Variants in GRIN2B observed in about 807,000 individuals in gnomAD.
GRIN2B encodes the protein glutamate ionotropic receptor NMDA type subunit 2B.
Under a neutral mutation model 114.5 loss-of-function variants are expected in GRIN2B, and 5 were observed. The ratio of observed to expected loss-of-function variants is 0.04; its 90% CI spans 0.02 to 0.09. GRIN2B has a LOEUF of 0.09. GRIN2B is among the 10% of genes least tolerant of loss of function. GRIN2B has a pLI of 1.00. For missense variants in GRIN2B, 1,108 were observed against 1,943.5 expected, an observed-to-expected ratio of 0.57 and a Z score of 8.08; for synonymous variants, 787 against 745.1, an observed-to-expected ratio of 1.06 and a Z score of -0.92.
Position 13,547,981 on chromosome 12 carries a change from A to ATATATATATATATATATTTTTTTTT in GRIN2B, c.*14801_*14802insAAAAAAAAATATATATATATATATA. On this transcript the variant is annotated 3_prime_UTR_variant, in exon 14 of 14. Coordinates refer to ENST00000609686, the MANE Select transcript of GRIN2B (RefSeq NM_000834.5). ...TGTGTATATATATATATATATATATATTTTTTTTTTTTTTCTGAAAGCTAC... is the reference window on the plus strand; with the variant it reads ...TGTGTATATATATATATATATATATATATATATATATATATATTTTTTTTTTTTTTTTTTTTTTTCTGAAAGCTAC... The ATATATATATATATATATTTTTTTTT allele has an allele frequency of 5.8e-5, 4 of 68,572 alleles. No homozygotes were observed. Among genetic ancestry groups the ATATATATATATATATATTTTTTTTT allele is most frequent in the African/African-American group, 9.2e-5 (2 of 21,748 alleles). 4.2% of individuals were successfully genotyped at this position (68,572 alleles called of 1,614,324 possible). A position where few individuals can be genotyped will look rare whatever the true frequency, so the allele number is the denominator to read the frequency against.
At chr12:13,870,466 G>A (rs1565569889) in intron 2 of GRIN2B, among the ~76,000 whole-genome samples, 2 of 152,056 alleles carry the variant, frequency 1.3e-5, no homozygotes, top group Non-Finnish European at 1.5e-5. Context: ...CTGGTAACTG[G>A]TACAGGGTAA....
chr12:13,605,983 T>C (rs1000014852), intron 10 of GRIN2B, among the ~76,000 whole-genome samples: 2 of 152,102 alleles, frequency 1.3e-5, no homozygotes, highest in Non-Finnish European at 2.9e-5. Context: ...TAGGACATGA[T>C]ACACTACACC....
At chr12:13,842,917 CTT>C (rs201344138) in intron 3 of GRIN2B, among the ~76,000 whole-genome samples, 55 of 103,212 alleles carry the variant, frequency 5.3e-4, no homozygotes, top group Middle Eastern at 6.5e-3. Flanking sequence ...ATTGGTTTTT[CTT>C]TTTTTTTTTT....
In GRIN2B at chr12:13,859,367, T is replaced by C. The variant is rs191034498; in HGVS notation, c.411+6431A>G. The stretch of plus-strand genomic sequence containing the variant: ...GAAGCAATTTCTGGGCTTCAATTGT[T>C]ACAAGCATTAACACTGCTCCTAAAG... On this transcript the variant is annotated intron_variant, in intron 3 of 13. Coordinates refer to ENST00000609686, the MANE Select transcript of GRIN2B (RefSeq NM_000834.5). 8.7e-4 allele frequency among the ~76,000 whole-genome samples: 132 copies of C among 152,330 alleles called. 2 individuals are homozygous for C. The East Asian group carries it at 0.021, about 24-fold the overall frequency.
intron 2 of GRIN2B, among the ~76,000 whole-genome samples, chr12:13,910,711 AG>A (rs1226551278): frequency 6.6e-6 from 1 of 152,202 alleles, no homozygotes; most frequent in African/African-American, 2.4e-5. Context: ...CTCTGTTTAA[AG>A]ATTCTTCAGT....
At chr12:13,611,877 AG>A in intron 8 of GRIN2B, 27 bp from the exon 9 acceptor site, 1 of 1,611,144 alleles carries the variant, frequency 6.2e-7, no homozygotes, top group Non-Finnish European at 8.5e-7. Flanking sequence ...AGCAGTGCTC[AG>A]GGTTAGAACA....
intron 4 of GRIN2B, among the ~76,000 whole-genome samples, chr12:13,743,265 C>A (rs1024809119): frequency 2.6e-5 from 4 of 152,158 alleles, no homozygotes; most frequent in Non-Finnish European, 4.4e-5. Context: ...CCCTTTTCTG[C>A]TTTCTTCATG....
intron 2 of GRIN2B, among the ~76,000 whole-genome samples, chr12:13,958,824 A>G (rs533784867): frequency 1.3e-5 from 2 of 152,292 alleles, no homozygotes; most frequent in South Asian, 4.1e-4. Flanking sequence ...GTTATTTTAA[A>G]GTCACCCATA....
intron 5 of GRIN2B, among the ~76,000 whole-genome samples, chr12:13,665,166 T>TG (rs1949962133): frequency 1.2e-4 from 3 of 26,084 alleles, no homozygotes; most frequent in African/African-American, 2.3e-4. Context: ...TGTGTGTGTG[T>TG]TTGTGTGTGT....
At chr12:13,837,270 C>G (rs1247766895) in intron 3 of GRIN2B, among the ~76,000 whole-genome samples, 1 of 152,218 alleles carries the variant, frequency 6.6e-6, no homozygotes, top group Non-Finnish European at 1.5e-5. Flanking sequence ...CTATCTCCTC[C>G]AACCAAGAGC....
At chr12:13,655,290 A>G (rs1219707641) in intron 5 of GRIN2B, among the ~76,000 whole-genome samples, 1 of 152,160 alleles carries the variant, frequency 6.6e-6, no homozygotes, top group Non-Finnish European at 1.5e-5. Flanking sequence ...TTGTTCTCCT[A>G]ACCTACCTCA....
chr12:13,653,739 G>C (rs1949839226), intron 5 of GRIN2B, among the ~76,000 whole-genome samples: 1 of 152,048 alleles, frequency 6.6e-6, no homozygotes, highest in African/African-American at 2.4e-5. Context: ...TAACTCAGTA[G>C]GCGACTTTCA....
At chr12:13,937,566 A>G (rs981234119) in intron 2 of GRIN2B, among the ~76,000 whole-genome samples, 12 of 152,154 alleles carry the variant, frequency 7.9e-5, no homozygotes, top group African/African-American at 2.9e-4. Context: ...GAAAAGTAAA[A>G]GCATTTTAAG....
chr12:13,622,980 A>G (rs1467162355), intron 5 of GRIN2B, among the ~76,000 whole-genome samples: 2 of 152,224 alleles, frequency 1.3e-5, no homozygotes, highest in Non-Finnish European at 2.9e-5. Context: ...CTTTGTAACC[A>G]AGTGAACATT....
At chr12:13,786,031 A>T (rs1864216539) in intron 3 of GRIN2B, among the ~76,000 whole-genome samples, 1 of 152,184 alleles carries the variant, frequency 6.6e-6, no homozygotes, top group Non-Finnish European at 1.5e-5. Flanking sequence ...TCATGAATCA[A>T]AATATTTTGA....
At position 13,936,542 on chromosome 12, in the gene GRIN2B, C is replaced by A. The variant is rs147989366; in HGVS notation, c.-19+43386G>T. On this transcript the variant is annotated intron_variant, in intron 2 of 13. Transcript: ENST00000609686. The stretch of plus-strand genomic sequence containing the variant: ...ATAACAAAGCATAAAACCAAGCCTG[C>A]AAAAGTTCAAGGTGATCAGCCAGTA... Among the ~76,000 whole-genome samples the A allele has an allele frequency of 6.6e-5, 10 of 152,234 alleles. 1 individual carries two copies. In the East Asian group the frequency reaches 1.7e-3, roughly 26 times the overall value.
At position 13,561,551 on chromosome 12, in the gene GRIN2B, C is replaced by T. The variant is rs958415015; in HGVS notation, c.*1232G>A. ...GGATCAAAGCATTGGAAACATCCCC[C>T]TCTCTCACTTACCCTACCATACACG... On this transcript the variant is annotated 3_prime_UTR_variant, in exon 14 of 14. Transcript: ENST00000609686. The T allele has an allele frequency of 2.0e-5, 3 of 152,580 alleles. No homozygotes were observed. Among genetic ancestry groups the T allele is most frequent in the Non-Finnish European group, 4.4e-5 (3 of 68,044 alleles). 9.5% of individuals were successfully genotyped at this position (152,580 alleles called of 1,614,324 possible). A position where few individuals can be genotyped will look rare whatever the true frequency, so the allele number is the denominator to read the frequency against.
In GRIN2B at chr12:13,981,367, A is replaced by C. The variant is rs1310165167; in HGVS notation, c.-473T>G. On this transcript the variant is annotated 5_prime_UTR_variant, in exon 1 of 14. Transcript: ENST00000609686. Reference sequence around the variant, plus strand: ...CGGCTCCGAGCGCCTCCGCGGTTGCAGTCTGCGGAGAGGGGTGGCCGGTGG... The same window carrying C: ...CGGCTCCGAGCGCCTCCGCGGTTGCCGTCTGCGGAGAGGGGTGGCCGGTGG... 1 of 152,154 alleles carries C rather than the reference A, an allele frequency of 6.6e-6. No individual in the cohort carries two copies. Among genetic ancestry groups the C allele is most frequent in the Non-Finnish European group, 1.5e-5 (1 of 68,110 alleles). The allele number at this position is 152,154 out of a possible 1,614,324, so 9.4% of individuals were successfully genotyped here. A position where few individuals can be genotyped will look rare whatever the true frequency, so the allele number is the denominator to read the frequency against.
At chr12:13,789,899 G>A (rs530354190) in intron 3 of GRIN2B, among the ~76,000 whole-genome samples, 1 of 152,276 alleles carries the variant, frequency 6.6e-6, no homozygotes, top group Non-Finnish European at 1.5e-5. Context: ...ACTAAAATGT[G>A]CAAGGGCCCC....
Sources: allele counts gnomAD v4.1 joint callset (sites outside exome capture counted in the v4.1 genomes callset), GRCh38; gene constraint gnomAD v4.1.1; transcripts MANE v1.5; gene names NCBI Gene and HGNC (gene_info 2026-07-23, HGNC 2026-07-21).